Variants in XKR4 observed in about 807,000 individuals in gnomAD.
XKR4 encodes the protein XK-related protein 4.
XKR4 carries 12 observed loss-of-function variants against 53.9 expected under a neutral mutation model. The observed-to-expected ratio is 0.22, with a 90% CI of 0.14 to 0.36. XKR4 has a LOEUF of 0.36. Among genes scored for constraint, XKR4 ranks in the 10% least tolerant of loss-of-function variants. The pLI is 1.00. For missense variants in XKR4, 799 were observed against 859.5 expected (o/e 0.93, Z 0.88); for synonymous variants, 354 against 362.4 (o/e 0.98, Z 0.26).
At chr8:55,342,786 A>G (rs1258985173) in intron 1 of XKR4, among the ~76,000 whole-genome samples, 4 of 152,098 alleles carry the variant, frequency 2.6e-5, no homozygotes, top group Non-Finnish European at 5.9e-5. Context: ...GAAACTCCTT[A>G]CTTTCCTTCC....
intron 2 of XKR4, among the ~76,000 whole-genome samples, chr8:55,488,338 A>T (rs1806224446): frequency 6.6e-6 from 1 of 152,228 alleles, no homozygotes; most frequent in Admixed American, 6.5e-5. Context: ...ATTCCTAGAT[A>T]TTTACTCAAG....
At chr8:55,362,173 G>C (rs1238219699) in intron 2 of XKR4, among the ~76,000 whole-genome samples, 1 of 152,118 alleles carries the variant, frequency 6.6e-6, no homozygotes, top group Non-Finnish European at 1.5e-5. Context: ...AATCTACCAG[G>C]GAATCTTATG....
At chr8:55,384,556 A>C (rs1488868274) in intron 2 of XKR4, among the ~76,000 whole-genome samples, 1 of 152,230 alleles carries the variant, frequency 6.6e-6, no homozygotes, top group African/African-American at 2.4e-5. Flanking sequence ...GTTCCAAGCA[A>C]GGACTCTCCT....
chr8:55,345,117 A>C (rs1803616453), intron 1 of XKR4, among the ~76,000 whole-genome samples: 1 of 152,014 alleles, frequency 6.6e-6, no homozygotes, highest in Admixed American at 6.5e-5. Context: ...CCCTGTCTCT[A>C]CTAAAAATAC....
At chr8:55,353,280 G>A (rs1164667757) in intron 1 of XKR4, among the ~76,000 whole-genome samples, 1 of 152,188 alleles carries the variant, frequency 6.6e-6, no homozygotes, top group Non-Finnish European at 1.5e-5. Flanking sequence ...AAGTGAAGAT[G>A]AGATCATTGG....
At chr8:55,472,801 T>C (rs1245176193) in intron 2 of XKR4, among the ~76,000 whole-genome samples, 1 of 152,062 alleles carries the variant, frequency 6.6e-6, no homozygotes, top group Non-Finnish European at 1.5e-5. Context: ...TTCTGAAGAA[T>C]AATGGGGGGT....
chr8:55,191,704 G>A (rs1480524205), intron 1 of XKR4, among the ~76,000 whole-genome samples: 2 of 142,464 alleles, frequency 1.4e-5, no homozygotes, highest in Non-Finnish European at 3.0e-5. Context: ...TTTTTTGGGA[G>A]TTTCAGAAAG....
intron 1 of XKR4, among the ~76,000 whole-genome samples, chr8:55,295,627 A>G (rs1025523091): frequency 6.6e-6 from 1 of 152,226 alleles, no homozygotes; most frequent in African/African-American, 2.4e-5. Context: ...AAATAAGATT[A>G]TTGAGATAAG....
chr8:55,358,994 T>C (rs1345305956), intron 2 of XKR4, among the ~76,000 whole-genome samples: 1 of 152,262 alleles, frequency 6.6e-6, no homozygotes, highest in Non-Finnish European at 1.5e-5. Context: ...TATTGGTAGC[T>C]GGTGACCCAT....
chr8:55,363,600 C>T (rs1033040523), intron 2 of XKR4, among the ~76,000 whole-genome samples: 5 of 152,160 alleles, frequency 3.3e-5, no homozygotes, highest in Non-Finnish European at 5.9e-5. Flanking sequence ...CACCTCATCG[C>T]GAAGCAGGTG....
intron 1 of XKR4, among the ~76,000 whole-genome samples, chr8:55,242,244 A>G (rs1207464565): frequency 1.3e-5 from 2 of 152,160 alleles, no homozygotes; most frequent in African/African-American, 2.4e-5. Context: ...CAGAGACACC[A>G]CTTTGGAGTG....
intron 1 of XKR4, among the ~76,000 whole-genome samples, chr8:55,347,196 T>C (rs1415546302): frequency 6.6e-6 from 1 of 152,226 alleles, no homozygotes; most frequent in Non-Finnish European, 1.5e-5. Flanking sequence ...TTAGGCCATA[T>C]TATGTTTCAG....
At chr8:55,167,358 C>G (rs551096401) in intron 1 of XKR4, among the ~76,000 whole-genome samples, 3 of 152,112 alleles carry the variant, frequency 2.0e-5, no homozygotes, top group Non-Finnish European at 4.4e-5. Context: ...TGAGCTCTAG[C>G]CAATAAAAAG....
chr8:55,317,260 T>C (rs1819491249), intron 1 of XKR4, among the ~76,000 whole-genome samples: 1 of 152,188 alleles, frequency 6.6e-6, no homozygotes, highest in African/African-American at 2.4e-5. Context: ...AATAATTACT[T>C]ATATCTAAAG....
intron 1 of XKR4, among the ~76,000 whole-genome samples, chr8:55,322,597 G>C (rs1052680292): frequency 5.3e-5 from 8 of 152,124 alleles, no homozygotes; most frequent in African/African-American, 1.7e-4. Context: ...CCTACCATTA[G>C]AGAAGACGAG....
intron 2 of XKR4, among the ~76,000 whole-genome samples, chr8:55,492,863 T>C (rs1311283874): frequency 2.0e-5 from 3 of 152,362 alleles, no homozygotes; most frequent in African/African-American, 7.2e-5. Flanking sequence ...CCTGGCATTA[T>C]CAAACTTGCA....
rs553133361 is a variant in XKR4, at chr8:55,330,816, A to G, written c.807-26862A>G. On this transcript the variant is annotated intron_variant, in intron 1 of 2. Transcript: ENST00000327381. ...CAGAAACTCACCAATCTTGCTGACC[A>G]GGACAAGATGGCAAGAGTGGGGAAA... 2.0e-5 allele frequency among the ~76,000 whole-genome samples: 3 copies of G among 152,276 alleles called. No homozygotes were observed. The East Asian group carries it at 5.8e-4, about 29-fold the overall frequency.
Position 55,102,365 on chromosome 8 carries a change from CAGG to C in XKR4, c.-117_-115del, listed in dbSNP as rs1333934067. 3 of 1,197,476 alleles carry C rather than the reference CAGG, an allele frequency of 2.5e-6. No homozygotes were observed. Among genetic ancestry groups the C allele is most frequent in the East Asian group, 3.9e-5 (1 of 25,442 alleles). The allele number at this position is 1,197,476 out of a possible 1,614,324, so 74.2% of individuals were successfully genotyped here. On this transcript the variant is annotated 5_prime_UTR_variant, in exon 1 of 3. Coordinates refer to ENST00000327381, the MANE Select transcript of XKR4 (RefSeq NM_052898.2). The surrounding 1 kb of genome is among the most constrained non-coding windows in gnomAD (Gnocchi z 5.1). ...GACGGCAGGCGAGCCGACGCAGGAG[CAGG>C]AGGAGGGGGAGCCGCACCGCCTGGG...
At chr8:55,166,695 T>C (rs1476923439) in intron 1 of XKR4, among the ~76,000 whole-genome samples, 2 of 152,160 alleles carry the variant, frequency 1.3e-5, no homozygotes, top group Non-Finnish European at 2.9e-5. Context: ...TAGTGAATTA[T>C]GTGATATGTG....
Sources: gnomAD v4.1 joint callset for allele counts (sites outside exome capture counted in the v4.1 genomes callset) on GRCh38, gnomAD v4.1.1 for gene constraint, Gnocchi (gnomAD v3.1) non-coding constraint, MANE v1.5 for transcripts, NCBI Gene and HGNC (gene_info 2026-07-23, HGNC 2026-07-21) for gene names.